MYO1E: variants seen among roughly 807,000 people sequenced by gnomAD.
MYO1E encodes the protein unconventional myosin-Ie.
A neutral mutation model predicts 151.1 loss-of-function variants in MYO1E; 68 were observed. That is an observed-to-expected ratio of 0.45 (90% CI 0.37 to 0.55). The LOEUF (loss-of-function observed/expected upper bound fraction) is 0.55. Ranked by LOEUF, MYO1E falls within the 20% of genes least tolerant of loss-of-function variation. The pLI, the probability that MYO1E is intolerant of heterozygous loss-of-function variation, is 0.00. For missense variants in MYO1E, 1,363 were observed against 1,389.3 expected, an observed-to-expected ratio of 0.98 and a Z score of 0.30; for synonymous variants, 601 against 501.7, an observed-to-expected ratio of 1.20 and a Z score of -2.64.
chr15:59,205,033 C>A (rs1416573122), intron 15 of MYO1E, among the ~76,000 whole-genome samples: 1 of 152,076 alleles, frequency 6.6e-6, no homozygotes, highest in East Asian at 1.9e-4. Flanking sequence ...AAGGGAGAGA[C>A]TGATATAGAG....
In MYO1E at chr15:59,291,350, T is replaced by C. The variant is rs866115961; in HGVS notation, c.4-18901A>G. Among the ~76,000 whole-genome samples, 3 of 152,238 alleles carry C rather than the reference T, an allele frequency of 2.0e-5. No homozygotes were observed. The South Asian group carries it at 6.2e-4, about 32-fold the overall frequency. On this transcript the variant is annotated intron_variant, in intron 1 of 27. Transcript: ENST00000288235. ...CAAATAACCAACACCCAAAGATACC[T>C]GGGTGTGACTACATGTCAATTCAAG...
intron 1 of MYO1E, among the ~76,000 whole-genome samples, chr15:59,278,958 G>A (rs2080337145): frequency 1.3e-5 from 2 of 152,038 alleles, no homozygotes; most frequent in Non-Finnish European, 2.9e-5. Flanking sequence ...CTTGGAGTGG[G>A]TGGAAAAGTG....
At chr15:59,160,050 G>C (rs2079528743) in intron 24 of MYO1E, among the ~76,000 whole-genome samples, 1 of 152,136 alleles carries the variant, frequency 6.6e-6, no homozygotes, top group African/African-American at 2.4e-5. Context: ...TGGTCAGGCT[G>C]GTCTCAAACT....
At chr15:59,344,015 A>G (rs1235283200) in intron 1 of MYO1E, among the ~76,000 whole-genome samples, 1 of 152,164 alleles carries the variant, frequency 6.6e-6, no homozygotes, top group African/African-American at 2.4e-5. Context: ...CCCCTGGTCA[A>G]TTTATTTCAT....
chr15:59,224,594 C>G (rs1205909494), intron 8 of MYO1E, 95 bp downstream of exon 8: 1 of 1,511,074 alleles, frequency 6.6e-7, no homozygotes, highest in Non-Finnish European at 9.2e-7. Flanking sequence ...ACATTTCATG[C>G]AGCTCTTTGC....
At chr15:59,272,963 A>G (rs1463353549) in intron 1 of MYO1E, among the ~76,000 whole-genome samples, 2 of 152,268 alleles carry the variant, frequency 1.3e-5, no homozygotes, top group Admixed American at 6.5e-5. Context: ...AGGCTATGTC[A>G]CACGGTCATA....
At chr15:59,357,759 A>C (rs2080863324) in intron 1 of MYO1E, among the ~76,000 whole-genome samples, 2 of 152,094 alleles carry the variant, frequency 1.3e-5, no homozygotes, top group South Asian at 4.2e-4. Context: ...CAAGGAGGTA[A>C]TTTTCAATGA....
Position 59,187,617 on chromosome 15 carries a change from A to C in MYO1E, c.1904+501T>G, listed in dbSNP as rs1432033432. Among the ~76,000 whole-genome samples, 32 of 152,254 alleles carry C rather than the reference A, an allele frequency of 2.1e-4. 1 individual carries two copies. Among genetic ancestry groups the C allele is most frequent in the Admixed American group, 2.1e-3 (32 of 15,284 alleles). Reference sequence around the variant, plus strand: ...GAAAGAAATGAAATATGACCACATAAAAACTTGTACACAGATTTTCATAGC... The same window carrying C: ...GAAAGAAATGAAATATGACCACATACAAACTTGTACACAGATTTTCATAGC... On this transcript the variant is annotated intron_variant, in intron 18 of 27. Coordinates refer to ENST00000288235, the MANE Select transcript of MYO1E (RefSeq NM_004998.4).
chr15:59,207,004 CTA>C lies in MYO1E; in HGVS notation c.1531-1521_1531-1520del, dbSNP rs768377746. ...AGTGAGCTCGGTGGGAGCGAATTTC[CTA>C]TGCCTGGGGATGGCCCTGTGTCCGC... On this transcript the variant is annotated intron_variant, in intron 14 of 27. Transcript: ENST00000288235. The C allele has an allele frequency of 1.1e-4, 183 of 1,613,956 alleles. 1 individual carries two copies. The highest frequency in any genetic ancestry group is 1.5e-4 in the Non-Finnish European group (179 of 1,180,000).
rs1306418958 is a variant in MYO1E, at chr15:59,224,670, G to C, written c.777+19C>G. ...CAGTTGGGAGAGCAGATCCTGCCTG[G>C]CCCTGCGCCAGCACTTACCAGAGTT... On this transcript the variant is annotated intron_variant, in intron 8 of 27. Transcript: ENST00000288235. 8 of 1,613,960 alleles carry C rather than the reference G, an allele frequency of 5.0e-6. No individual in the cohort carries two copies. The highest frequency in any genetic ancestry group is 4.5e-5 in the East Asian group (2 of 44,892).
chr15:59,198,143 G>A (rs904256361), intron 16 of MYO1E, among the ~76,000 whole-genome samples: 7 of 152,202 alleles, frequency 4.6e-5, no homozygotes, highest in Non-Finnish European at 1.0e-4. Flanking sequence ...TGAGATTACA[G>A]GTGTGAGCCA....
intron 16 of MYO1E, among the ~76,000 whole-genome samples, chr15:59,197,062 T>C (rs1368257780): frequency 7.0e-6 from 1 of 142,210 alleles, no homozygotes; most frequent in Non-Finnish European, 1.5e-5. Flanking sequence ...GCGTGATCTC[T>C]GCTCATTGCA....
intron 1 of MYO1E, among the ~76,000 whole-genome samples, chr15:59,292,741 A>G (rs2080427101): frequency 6.6e-6 from 1 of 152,338 alleles, no homozygotes; most frequent in Non-Finnish European, 1.5e-5. Context: ...TACAGCTACA[A>G]ACAAGACCGC....
chr15:59,308,923 G>T (rs1365036702), intron 1 of MYO1E, among the ~76,000 whole-genome samples: 1 of 151,918 alleles, frequency 6.6e-6, no homozygotes, highest in African/African-American at 2.4e-5. Context: ...CAGAATTGCA[G>T]AAAGAGCTCT....
chr15:59,291,108 C>A (rs1372569693), intron 1 of MYO1E, among the ~76,000 whole-genome samples: 1 of 152,188 alleles, frequency 6.6e-6, no homozygotes, highest in African/African-American at 2.4e-5. Context: ...AGACCACAAG[C>A]ATATCTGCAA....
chr15:59,255,175 C>T (rs192151709), intron 4 of MYO1E, among the ~76,000 whole-genome samples: 1,560 of 152,056 alleles, frequency 0.01, 29 homozygotes, highest in African/African-American at 0.035. Context: ...AATGCAATGG[C>T]ACAATCTCAG....
At chr15:59,365,210 G>C (rs1388155547) in intron 1 of MYO1E, among the ~76,000 whole-genome samples, 1 of 151,718 alleles carries the variant, frequency 6.6e-6, no homozygotes, top group Non-Finnish European at 1.5e-5. Flanking sequence ...GTAGAGACAG[G>C]GTTTCACCAT....
rs532899571 is a variant in MYO1E, at chr15:59,176,104, G to A, written c.2050-1864C>T. Among the ~76,000 whole-genome samples, 3 of 152,268 alleles carry A rather than the reference G, an allele frequency of 2.0e-5. No homozygotes were observed. The South Asian group carries it at 6.2e-4, about 32-fold the overall frequency. ...GGCAGAGTCTTGCTCTGTCACCCAGGCTGGAGTGCAGTGGCGCGATCTCGG... is the reference window on the plus strand; with the variant it reads ...GGCAGAGTCTTGCTCTGTCACCCAGACTGGAGTGCAGTGGCGCGATCTCGG... On this transcript the variant is annotated intron_variant, in intron 19 of 27. Coordinates refer to ENST00000288235, the MANE Select transcript of MYO1E (RefSeq NM_004998.4).
At chr15:59,168,570 G>A (rs1440531802) in intron 22 of MYO1E, among the ~76,000 whole-genome samples, 3 of 152,002 alleles carry the variant, frequency 2.0e-5, no homozygotes, top group Admixed American at 2.0e-4. Flanking sequence ...AGTATAGAAT[G>A]AACCACCACA....
Sources: gnomAD v4.1 joint callset for allele counts (sites outside exome capture counted in the v4.1 genomes callset) on GRCh38, gnomAD v4.1.1 for gene constraint, MANE v1.5 for transcripts, NCBI Gene and HGNC (gene_info 2026-07-23, HGNC 2026-07-21) for gene names.